Variants in XDH observed in about 807,000 individuals in gnomAD.
XDH encodes xanthine dehydrogenase/oxidase.
A neutral mutation model predicts 156.1 loss-of-function variants in XDH; 138 were observed. That is an observed-to-expected ratio of 0.88 (90% confidence interval 0.77 to 1.02). The LOEUF is 1.02. Among genes scored for constraint, XDH ranks in the 50% least tolerant of loss-of-function variants. The pLI is 0.00. For missense variants in XDH, 1,849 were observed against 1,684.9 expected, an observed-to-expected ratio of 1.10 and a Z score of -1.71; for synonymous variants, 669 against 625.7, an observed-to-expected ratio of 1.07 and a Z score of -1.03.
At chr2:31,379,456 T>C (rs1686371297) in intron 13 of XDH, among the ~76,000 whole-genome samples, 1 of 152,250 alleles carries the variant, frequency 6.6e-6, no homozygotes, top group Non-Finnish European at 1.5e-5. Context: ...GATGTGTTCT[T>C]GGAATTCTGT....
chr2:31,341,252 T>C, intron 33 of XDH, 77 bp downstream of exon 33: 1 of 1,364,962 alleles, frequency 7.3e-7, no homozygotes, highest in Non-Finnish European at 1.0e-6. Context: ...CAACATGTTG[T>C]GGCAGGTGGC....
chr2:31,335,229 A>AAGATTACAAAAAATGAG lies in XDH; in HGVS notation c.*728_*729insCTCATTTTTTGTAATCT, dbSNP rs1684942646. ...GCTTCAAATGTAAAGATTAAACATA[A>AAGATTACAAAAAATGAG]TCTTTTTTGTAAATACTCAAAGAGT... On this transcript the variant is annotated 3_prime_UTR_variant, in exon 36 of 36. Coordinates refer to ENST00000379416, the MANE Select transcript of XDH (RefSeq NM_000379.4). 6.6e-6 allele frequency: 1 copy of AAGATTACAAAAAATGAG among 151,602 alleles called. No homozygotes were observed. Among genetic ancestry groups the AAGATTACAAAAAATGAG allele is most frequent in the East Asian group, 2.0e-4 (1 of 5,104 alleles). 9.4% of individuals were successfully genotyped at this position (151,602 alleles called of 1,614,324 possible). A position where few individuals can be genotyped will look rare whatever the true frequency, so the allele number is the denominator to read the frequency against.
chr2:31,349,197 C>G (rs761522392), intron 26 of XDH, among the ~76,000 whole-genome samples: 11 of 152,160 alleles, frequency 7.2e-5, no homozygotes, highest in Non-Finnish European at 1.2e-4. Flanking sequence ...CTTGGGCTGT[C>G]ATCATCTCCA....
Position 31,364,199 on chromosome 2 carries a change from G to C in XDH, c.2590C>G (p.His864Asp). The stretch of plus-strand genomic sequence containing the variant: ...TGGGTGTTCCCCACATTGCTGAAGT[G>C]GTCCACCTCAAGAGCCACAACTGTC... ...TGTVVALEVDHFSNVGNTQDL... is the reference protein window; with the variant it reads ...TGTVVALEVDDFSNVGNTQDL... Residue 864 changes from histidine (H) to aspartate (D), a missense_variant, in exon 24 of 36, where the codon CAC (histidine) becomes GAC (aspartate). By Grantham distance (81) the His-to-Asp change is moderately conservative. Transcript: ENST00000379416. The C allele has an allele frequency of 6.2e-7, 1 of 1,614,074 alleles. No homozygotes were observed. The highest frequency in any genetic ancestry group is 8.5e-7 in the Non-Finnish European group (1 of 1,180,014).
intron 19 of XDH, among the ~76,000 whole-genome samples, chr2:31,368,333 C>G (rs1033521454): frequency 2.6e-5 from 4 of 152,172 alleles, no homozygotes; most frequent in Non-Finnish European, 4.4e-5. Flanking sequence ...GAAGGAGGAA[C>G]TCAGTTTGGC....
intron 30 of XDH, among the ~76,000 whole-genome samples, chr2:31,346,000 G>C (rs1685279110): frequency 6.6e-6 from 1 of 152,216 alleles, no homozygotes; most frequent in South Asian, 2.1e-4. Context: ...TAAGATGAGT[G>C]GGTCTGAGAA....
At chr2:31,375,243 T>C in intron 15 of XDH, 137 bp downstream of exon 15, 1 of 1,175,510 alleles carries the variant, frequency 8.5e-7, no homozygotes, top group Non-Finnish European at 1.3e-6. Flanking sequence ...ATTTCCAAGA[T>C]TCTTGTGCTG....
At position 31,347,508 on chromosome 2, in the gene XDH, C is replaced by A. The variant is rs1221469281; in HGVS notation, c.3276+14G>T. The A allele has an allele frequency of 1.2e-6, 2 of 1,613,308 alleles. No homozygotes were observed. The highest frequency in any genetic ancestry group is 1.7e-6 in the Non-Finnish European group (2 of 1,179,988). On this transcript the variant is annotated intron_variant, in intron 29 of 35. Transcript: ENST00000379416. The stretch of plus-strand genomic sequence containing the variant: ...GCTGGCCCTCTGCTCTGCGGGATCC[C>A]ATGGGCTCCTTACATAGACGGCCTG...
intron 24 of XDH, among the ~76,000 whole-genome samples, chr2:31,361,129 A>G (rs879938794): frequency 2.0e-5 from 3 of 152,382 alleles, no homozygotes; most frequent in Non-Finnish European, 4.4e-5. Context: ...TGAAGAATTA[A>G]GACATATTTT....
intron 20 of XDH, among the ~76,000 whole-genome samples, chr2:31,367,703 T>C (rs1685958572): frequency 1.3e-5 from 2 of 152,134 alleles, no homozygotes; most frequent in South Asian, 4.2e-4. Flanking sequence ...TCATCCCTAG[T>C]TGGTCTTCCG....
At chr2:31,394,210 T>C (rs1178593870) in intron 6 of XDH, among the ~76,000 whole-genome samples, 2 of 152,178 alleles carry the variant, frequency 1.3e-5, no homozygotes, top group Non-Finnish European at 2.9e-5. Flanking sequence ...TCTTACAAGA[T>C]GGGTCTACTG....
chr2:31,336,021 G>A lies in XDH; in HGVS notation c.3952-13C>T. The A allele has an allele frequency of 1.2e-6, 2 of 1,613,974 alleles. No homozygotes were observed. The highest frequency in any genetic ancestry group is 1.3e-5 in the African/African-American group (1 of 75,030). On this transcript the variant is annotated splice_polypyrimidine_tract_variant and intron_variant, in intron 35 of 35. Coordinates refer to ENST00000379416, the MANE Select transcript of XDH (RefSeq NM_000379.4). ...CACCAGTGACACACTAGGAAGGAATGATAGTGTTCTCATTGCCAGGGTCTG... is the reference window on the plus strand; with the variant it reads ...CACCAGTGACACACTAGGAAGGAATAATAGTGTTCTCATTGCCAGGGTCTG...
At position 31,334,779 on chromosome 2, in the gene XDH, T is replaced by C. The variant is rs1286922883; in HGVS notation, c.*1179A>G. The C allele has an allele frequency of 6.6e-6, 1 of 152,184 alleles. No homozygotes were observed. Among genetic ancestry groups the C allele is most frequent in the Non-Finnish European group, 1.5e-5 (1 of 68,048 alleles). 9.4% of individuals were successfully genotyped at this position (152,184 alleles called of 1,614,324 possible). On this transcript the variant is annotated 3_prime_UTR_variant, in exon 36 of 36. Transcript: ENST00000379416. ...AATTGACAGTCCAAGATCACAAAGA[T>C]AGAGACAGAAGAGACAGAGCTAGGA...
chr2:31,366,082 G>A lies in XDH; in HGVS notation c.2350C>T (p.Pro784Ser), dbSNP rs141938849. 3.1e-6 allele frequency: 5 copies of A among 1,614,148 alleles called. No individual in the cohort carries two copies. The highest frequency in any genetic ancestry group is 4.2e-6 in the Non-Finnish European group (5 of 1,180,030). The stretch of plus-strand genomic sequence containing the variant: ...ACTCGAACCACAATCCGGTTTGCTG[G>A]AACCCCCAACATTTTTGCAACAAAG... ...QSFVAKMLGV[P>S]ANRIVVRVKR... Residue 784 changes from proline to serine, a missense_variant, in exon 22 of 36, where the codon CCA becomes TCA. Transcript: ENST00000379416.
In XDH at chr2:31,388,212, GA is replaced by G. The variant is rs1686666889; in HGVS notation, c.564+14del. 1 of 1,613,938 alleles carries G rather than the reference GA, an allele frequency of 6.2e-7. No homozygotes were observed. Among genetic ancestry groups the G allele is most frequent in the Non-Finnish European group, 8.5e-7 (1 of 1,179,900 alleles). On this transcript the variant is annotated intron_variant, in intron 7 of 35. Transcript: ENST00000379416. ...GATTACCCCCAGGCTTCCAGGGGGA[GA>G]AGAACTCACTTACTGAGTGGTCTTT...
intron 26 of XDH, among the ~76,000 whole-genome samples, chr2:31,349,410 C>T (rs1171571128): frequency 6.6e-6 from 1 of 152,080 alleles, no homozygotes; most frequent in African/African-American, 2.4e-5. Context: ...TAGTCCTAGG[C>T]CAGTGTTCTT....
chr2:31,389,180 A>T (rs1281720636), intron 6 of XDH, among the ~76,000 whole-genome samples: 1 of 152,232 alleles, frequency 6.6e-6, no homozygotes, highest in Non-Finnish European at 1.5e-5. Flanking sequence ...TCCTTCTGCA[A>T]GTCAGCCACA....
chr2:31,388,338 G>A (rs371840281), intron 6 of XDH, 43 bp from the exon 7 acceptor site: 1 of 1,600,894 alleles, frequency 6.2e-7, no homozygotes, highest in African/African-American at 1.3e-5. Context: ...TTTACAAAGA[G>A]TATTTGCAGA....
At chr2:31,406,925 G>T (rs1047152200) in intron 1 of XDH, among the ~76,000 whole-genome samples, 6 of 152,180 alleles carry the variant, frequency 3.9e-5, no homozygotes, top group Non-Finnish European at 8.8e-5. Flanking sequence ...CCATCACTAG[G>T]TTCAATAAGG....
Sources: gnomAD v4.1 joint callset for allele counts (sites outside exome capture counted in the v4.1 genomes callset) on GRCh38, gnomAD v4.1.1 for gene constraint, MANE v1.5 for transcripts, NCBI Gene and HGNC (gene_info 2026-07-23, HGNC 2026-07-21) for gene names.